Variants in BCAR3 observed in about 807,000 individuals in gnomAD.
BCAR3 encodes breast cancer anti-estrogen resistance protein 3.
In BCAR3, 37 loss-of-function variants were observed where a neutral mutation model predicts 80.1. That is an observed-to-expected ratio of 0.46 (90% CI 0.36 to 0.61). The LOEUF is 0.61. Among genes scored for constraint, BCAR3 ranks in the 20% least tolerant of loss-of-function variants. BCAR3 has a pLI of 0.00. For synonymous variants in BCAR3, 389 were observed against 418.9 expected (o/e 0.93, Z 0.87); for missense variants, 978 against 1,068.2 (o/e 0.92, Z 1.18).
Position 93,592,006 on chromosome 1 carries a change from C to T in BCAR3, c.486+259G>A, listed in dbSNP as rs1210700200. On this transcript the variant is annotated intron_variant, in intron 4 of 11. Coordinates refer to ENST00000260502, the MANE Select transcript of BCAR3 (RefSeq NM_003567.4). The surrounding 1 kb of genome is among the most constrained non-coding windows in gnomAD (Gnocchi z 4.8). The stretch of plus-strand genomic sequence containing the variant: ...ACTCTGTGGCTGCTGCCTCCCACAA[C>T]GCTGTGCTTGCAGACCCCAGGAGCG... Among the ~76,000 whole-genome samples the T allele has an allele frequency of 1.3e-5, 2 of 152,256 alleles. No homozygotes were observed. The highest frequency in any genetic ancestry group is 2.4e-5 in the African/African-American group (1 of 41,472).
intron 2 of BCAR3, among the ~76,000 whole-genome samples, chr1:93,781,730 T>C (rs1385892728): frequency 6.6e-6 from 1 of 152,222 alleles, no homozygotes. Flanking sequence ...TTTTGGGTTC[T>C]CAAATCCTCC....
intron 3 of BCAR3, chr1:93,614,153 C>G: frequency 7.5e-7 from 1 of 1,330,868 alleles, no homozygotes; most frequent in African/African-American, 1.5e-5. Flanking sequence ...TTCTCGCAGG[C>G]TGGTGTCCAG....
intron 2 of BCAR3, among the ~76,000 whole-genome samples, chr1:93,739,161 C>T (rs1316280596): frequency 6.6e-6 from 1 of 152,174 alleles, no homozygotes; most frequent in Non-Finnish European, 1.5e-5. Context: ...CTTCCTTTCC[C>T]CAGGGAAATT....
In BCAR3 at chr1:93,562,201, GA is replaced by G; in HGVS notation, c.*39del. The G allele has an allele frequency of 6.4e-7, 1 of 1,565,954 alleles. No individual in the cohort carries two copies. The highest frequency in any genetic ancestry group is 8.7e-7 in the Non-Finnish European group (1 of 1,151,574). On this transcript the variant is annotated 3_prime_UTR_variant, in exon 12 of 12. Transcript: ENST00000260502. Reference sequence around the variant, plus strand: ...AAGCTTTCCCAAAGATGAAGCTGGGGAAACTTGAAAAGATATTCTAAAGGTT... The same window carrying G: ...AAGCTTTCCCAAAGATGAAGCTGGGGAACTTGAAAAGATATTCTAAAGGTT...
At chr1:93,777,709 G>A (rs1652625434) in intron 2 of BCAR3, among the ~76,000 whole-genome samples, 1 of 152,120 alleles carries the variant, frequency 6.6e-6, no homozygotes, top group African/African-American at 2.4e-5. Flanking sequence ...ACAGGCATGA[G>A]CCACCACACC....
intron 2 of BCAR3, among the ~76,000 whole-genome samples, chr1:93,817,261 G>A (rs1654052428): frequency 6.6e-6 from 1 of 152,224 alleles, no homozygotes; most frequent in South Asian, 2.1e-4. Context: ...TCAAAGCAGG[G>A]GCTGAAGGGG....
chr1:93,832,926 G>T (rs889296886), intron 2 of BCAR3, among the ~76,000 whole-genome samples: 2 of 151,774 alleles, frequency 1.3e-5, no homozygotes, highest in African/African-American at 4.8e-5. Context: ...TCCTCTCCTT[G>T]TATCTCCCCA....
chr1:93,595,023 A>G (rs1674365466), intron 3 of BCAR3, among the ~76,000 whole-genome samples: 1 of 152,246 alleles, frequency 6.6e-6, no homozygotes, highest in Non-Finnish European at 1.5e-5. Context: ...AAAATCAGCT[A>G]TCTTGTTACT....
intron 2 of BCAR3, among the ~76,000 whole-genome samples, chr1:93,738,766 G>A (rs1184272978): frequency 2.6e-5 from 4 of 152,198 alleles, no homozygotes; most frequent in Admixed American, 6.5e-5. Flanking sequence ...GGGTGGGGCG[G>A]GGGGTGCCAG....
At chr1:93,616,072 G>A (rs1000401279) in intron 3 of BCAR3, among the ~76,000 whole-genome samples, 1 of 152,090 alleles carries the variant, frequency 6.6e-6, no homozygotes, top group African/African-American at 2.4e-5. Context: ...ATAGAATTAC[G>A]AATAAAGTGC....
At chr1:93,685,240 G>A (rs769565046), upstream of BCAR3, among the ~76,000 whole-genome samples, 2 of 152,190 alleles carry the variant, frequency 1.3e-5, no homozygotes, top group Non-Finnish European at 2.9e-5. Flanking sequence ...AAGGTATCCT[G>A]TGAAAAGTTC....
intron 2 of BCAR3, among the ~76,000 whole-genome samples, chr1:93,645,905 G>A (rs943819632): frequency 5.9e-5 from 9 of 151,714 alleles, no homozygotes; most frequent in East Asian, 3.9e-4. Flanking sequence ...TGAAAATTTA[G>A]GACTATTTAG....
At chr1:93,728,665 A>G (rs1650679136) in intron 2 of BCAR3, among the ~76,000 whole-genome samples, 1 of 152,174 alleles carries the variant, frequency 6.6e-6, no homozygotes, top group Non-Finnish European at 1.5e-5. Flanking sequence ...GCCTTCTTCC[A>G]GTGCTGGTCA....
At chr1:93,588,785 T>C (rs1674050388) in intron 5 of BCAR3, among the ~76,000 whole-genome samples, 192 bp downstream of exon 5, 1 of 151,736 alleles carries the variant, frequency 6.6e-6, no homozygotes, top group African/African-American at 2.4e-5. Flanking sequence ...CCTCAGCTCC[T>C]GTACCATTCA....
intron 7 of BCAR3, among the ~76,000 whole-genome samples, chr1:93,577,309 C>T (rs1673498628): frequency 6.6e-6 from 1 of 152,166 alleles, no homozygotes; most frequent in South Asian, 2.1e-4. Flanking sequence ...TTGTCCTCAA[C>T]CTTAATTACC....
chr1:93,798,863 TACAG>T (rs1653376212), intron 2 of BCAR3, among the ~76,000 whole-genome samples: 1 of 152,202 alleles, frequency 6.6e-6, no homozygotes, highest in Non-Finnish European at 1.5e-5. Flanking sequence ...CTATACAGCA[TACAG>T]ACTGTATGCT....
At position 93,835,555 on chromosome 1, in the gene BCAR3, C is replaced by T. The variant is rs572949913; in HGVS notation, c.-63+10012G>A. Among the ~76,000 whole-genome samples the T allele has an allele frequency of 1.6e-3, 237 of 152,282 alleles. 1 individual carries two copies. The highest frequency in any genetic ancestry group is 5.0e-3 in the African/African-American group (207 of 41,524). ...GCCTCACAGGCCCATTCTATTCTGTCGTCATTTCATAACCTCTTCCATGTA... is the reference window on the plus strand; with the variant it reads ...GCCTCACAGGCCCATTCTATTCTGTTGTCATTTCATAACCTCTTCCATGTA... On this transcript the variant is annotated intron_variant, in intron 2 of 13. Transcript: ENST00000370244.
At chr1:93,749,385 G>A (rs1029951046) in intron 2 of BCAR3, among the ~76,000 whole-genome samples, 6 of 151,796 alleles carry the variant, frequency 4.0e-5, no homozygotes, top group Admixed American at 6.6e-5. Context: ...TCACGAGATC[G>A]AGACCATCCT....
At chr1:93,647,769 T>G (rs544625709) in intron 2 of BCAR3, among the ~76,000 whole-genome samples, 1 of 152,054 alleles carries the variant, frequency 6.6e-6, no homozygotes, top group Non-Finnish European at 1.5e-5. Context: ...CTATGTATTG[T>G]TTTCTTGAAA....
Sources: allele counts gnomAD v4.1 joint callset (sites outside exome capture counted in the v4.1 genomes callset), GRCh38; gene constraint gnomAD v4.1.1; non-coding constraint Gnocchi (gnomAD v3.1); transcripts MANE v1.5; gene names NCBI Gene and HGNC (gene_info 2026-07-23, HGNC 2026-07-21).